The following ASB2 variants were observed in gnomAD, a reference collection of about 807,000 sequenced individuals.
The protein encoded by ASB2 is ankyrin repeat and SOCS box protein 2.
Under a neutral mutation model 62.4 loss-of-function variants are expected in ASB2, and 58 were observed. The observed-to-expected ratio is 0.93, with a 90% CI of 0.75 to 1.16. The LOEUF (loss-of-function observed/expected upper bound fraction) is 1.16, where lower values mean the gene tolerates loss of function less well. ASB2 is among the 50% of genes most tolerant of loss of function. The pLI, the probability that ASB2 is intolerant of heterozygous loss-of-function variation, is 0.00. For synonymous variants in ASB2, 386 were observed against 385.3 expected (o/e 1.00, Z -0.02); for missense variants, 928 against 887.9 (o/e 1.05, Z -0.57).
chr14:93,934,538 G>C lies in ASB2; in HGVS notation c.*118C>G, dbSNP rs1888199749. Reference sequence around the variant, plus strand: ...AGATCCTGGTAGCTGTCCAGGCTGAGAGGGAGGCAGCCTGCAGCCTCGTCT... The same window carrying C: ...AGATCCTGGTAGCTGTCCAGGCTGACAGGGAGGCAGCCTGCAGCCTCGTCT... On this transcript the variant is annotated 3_prime_UTR_variant, in exon 10 of 10. Coordinates refer to ENST00000555019, the MANE Select transcript of ASB2 (RefSeq NM_001202429.2). 2 of 1,025,018 alleles carry C rather than the reference G, an allele frequency of 2.0e-6. No individual in the cohort carries two copies. 63.5% of individuals were successfully genotyped at this position (1,025,018 alleles called of 1,614,324 possible). A position where few individuals can be genotyped will look rare whatever the true frequency, so the allele number is the denominator to read the frequency against.
chr14:93,963,967 G>T (rs1188538124), intron 2 of ASB2, among the ~76,000 whole-genome samples: 2 of 152,138 alleles, frequency 1.3e-5, no homozygotes, highest in African/African-American at 4.8e-5. Context: ...TGTTTTTCAA[G>T]GGAGGCTGTG....
At chr14:93,954,973 C>T in intron 3 of ASB2, 1 of 447,222 alleles carries the variant, frequency 2.2e-6, no homozygotes, top group South Asian at 1.6e-5. Context: ...AATTTGAAGC[C>T]TTCACAGTTT....
intron 8 of ASB2, among the ~76,000 whole-genome samples, chr14:93,938,889 G>C (rs1414753487): frequency 6.6e-6 from 1 of 152,172 alleles, no homozygotes; most frequent in Non-Finnish European, 1.5e-5. Context: ...TCCCTCCAAA[G>C]CGCCCTAAGC....
chr14:93,942,476 C>T (rs1490519372), intron 7 of ASB2, among the ~76,000 whole-genome samples: 1 of 152,226 alleles, frequency 6.6e-6, no homozygotes, highest in Non-Finnish European at 1.5e-5. Flanking sequence ...CATTCCGAAT[C>T]ACTGGGCTCT....
Position 93,964,421 on chromosome 14 carries a change from G to T in ASB2, c.119C>A (p.Ala40Glu), listed in dbSNP as rs767854646. 7.2e-6 allele frequency: 11 copies of T among 1,535,930 alleles called. No homozygotes were observed. In the South Asian group the frequency reaches 9.5e-5, roughly 13 times the overall value. Residue 40 changes from alanine to glutamate, a missense_variant, in exon 2 of 10, where the codon GCG becomes GAG. By Grantham distance (107) the Ala-to-Glu change is moderately radical. Coordinates refer to ENST00000555019, the MANE Select transcript of ASB2 (RefSeq NM_001202429.2). ...AGTGGTTGGGCCCCTTGTCTTGTCC[G>T]CTAGGCTCTGCTCGATGGCCATCTG... Reference protein sequence around the residue: ...LVQMAIEQSLADKTRGPTTAE... With the variant: ...LVQMAIEQSLEDKTRGPTTAE...
At chr14:93,940,693 C>G (rs111568554) in intron 7 of ASB2, among the ~76,000 whole-genome samples, 5 of 152,202 alleles carry the variant, frequency 3.3e-5, no homozygotes, top group African/African-American at 9.7e-5. Context: ...ACTGCGGAAG[C>G]CTGAGCTCCC....
chr14:93,959,877 G>A (rs115360778), intron 2 of ASB2, among the ~76,000 whole-genome samples: 444 of 152,164 alleles, frequency 2.9e-3, no homozygotes, highest in African/African-American at 0.01. Context: ...AATGCAGGGG[G>A]CAGGTAGGCA....
At chr14:93,938,464 T>C (rs1369785867) in intron 8 of ASB2, among the ~76,000 whole-genome samples, 1 of 152,082 alleles carries the variant, frequency 6.6e-6, no homozygotes, top group Non-Finnish European at 1.5e-5. Context: ...ATGGTCTCGA[T>C]CTCCTGACCT....
At chr14:93,941,682 G>A (rs1250968213) in intron 7 of ASB2, 1 of 456,116 alleles carries the variant, frequency 2.2e-6, no homozygotes, top group Admixed American at 2.3e-5. Flanking sequence ...GCCCAAGAAC[G>A]GGAAAGAACA....
intron 7 of ASB2, among the ~76,000 whole-genome samples, chr14:93,942,973 C>T (rs1180671127): frequency 2.0e-5 from 3 of 152,152 alleles, no homozygotes; most frequent in Non-Finnish European, 4.4e-5. Context: ...TATTGCTGAG[C>T]GCTTACTGTG....
At position 93,954,470 on chromosome 14, in the gene ASB2, A is replaced by G; in HGVS notation, c.325T>C (p.Leu109=). ...KTSQLAPADP[L]IKAIKDGDEE... ...TCGCCATCCTTGATGGCCTTTATCAAGGGGTCCGCAGGCCTGTGAGAGGAA... is the reference window on the plus strand; with the variant it reads ...TCGCCATCCTTGATGGCCTTTATCAGGGGGTCCGCAGGCCTGTGAGAGGAA... The change falls in exon 4 of 10, where the codon TTG becomes CTG. Residue 109 remains leucine, a synonymous_variant. Coordinates refer to ENST00000555019, the MANE Select transcript of ASB2 (RefSeq NM_001202429.2). 5.0e-6 allele frequency: 8 copies of G among 1,614,178 alleles called. No individual in the cohort carries two copies. The highest frequency in any genetic ancestry group is 6.8e-6 in the Non-Finnish European group (8 of 1,180,020).
chr14:93,950,186 C>T (rs1210064619), intron 6 of ASB2, among the ~76,000 whole-genome samples: 2 of 152,206 alleles, frequency 1.3e-5, no homozygotes, highest in Non-Finnish European at 2.9e-5. Flanking sequence ...TTAGCAAGTC[C>T]TCAACAGATT....
intron 6 of ASB2, among the ~76,000 whole-genome samples, chr14:93,948,719 G>A (rs927557926): frequency 2.0e-5 from 3 of 151,308 alleles, no homozygotes; most frequent in Non-Finnish European, 4.4e-5. Context: ...GATCACTTGA[G>A]CTCAGGAATT....
rs753571518 is a variant in ASB2, at chr14:93,951,150, G to T, written c.729C>A (p.His243Gln). ...HRCNRGWTAL[H>Q]ESVSRNDLEV... ...CCAGGTCATTGCGAGACACAGACTCGTGCAGAGCGGTCCAGCCGCGGTTGC... is the reference window on the plus strand; with the variant it reads ...CCAGGTCATTGCGAGACACAGACTCTTGCAGAGCGGTCCAGCCGCGGTTGC... Residue 243 changes from histidine (H) to glutamine (Q), a missense_variant, in exon 6 of 10, where the codon CAC (histidine) becomes CAA (glutamine). Transcript: ENST00000555019. 10 of 1,614,026 alleles carry T rather than the reference G, an allele frequency of 6.2e-6. No individual in the cohort carries two copies. Among genetic ancestry groups the T allele is most frequent in the African/African-American group, 1.3e-5 (1 of 74,934 alleles).
intron 2 of ASB2, among the ~76,000 whole-genome samples, chr14:93,962,999 G>T: frequency 6.6e-6 from 1 of 152,154 alleles, no homozygotes; most frequent in East Asian, 1.9e-4. Context: ...TGGAGTCTTC[G>T]TACTCTTTCC....
At chr14:93,954,557 G>T in intron 3 of ASB2, 74 bp from the exon 4 acceptor site, 1 of 1,393,256 alleles carries the variant, frequency 7.2e-7, no homozygotes, top group African/African-American at 1.4e-5. Flanking sequence ...TCTCAGGAGT[G>T]CTGGCAGTGG....
intron 7 of ASB2, 76 bp downstream of exon 7, chr14:93,947,273 G>A (rs1567022699): frequency 2.0e-6 from 3 of 1,514,756 alleles, no homozygotes; most frequent in Non-Finnish European, 2.7e-6. Flanking sequence ...TTCAGGGCAG[G>A]CCCACCCCTC....
At chr14:93,972,275 T>C (rs1889778438) in intron 1 of ASB2, among the ~76,000 whole-genome samples, 1 of 152,000 alleles carries the variant, frequency 6.6e-6, no homozygotes, top group African/African-American at 2.4e-5. Context: ...AAAACTTATC[T>C]TTCTGATCTG....
chr14:93,935,865 C>T (rs186865010), intron 9 of ASB2, among the ~76,000 whole-genome samples: 4 of 152,300 alleles, frequency 2.6e-5, no homozygotes, highest in South Asian at 4.1e-4. Flanking sequence ...TCCTGTTGCC[C>T]GGGCAGCTTG....
Sources: gnomAD v4.1 joint callset for allele counts (sites outside exome capture counted in the v4.1 genomes callset) on GRCh38, gnomAD v4.1.1 for gene constraint, MANE v1.5 for transcripts, NCBI Gene and HGNC (gene_info 2026-07-23, HGNC 2026-07-21) for gene names.